Variants in CLVS1 observed in about 807,000 individuals in gnomAD.
The protein encoded by CLVS1 is clavesin-1.
A neutral mutation model predicts 33.1 loss-of-function variants in CLVS1; 10 were observed. The observed-to-expected ratio is 0.30, with a 90% CI of 0.19 to 0.51. CLVS1 has a LOEUF of 0.51. Ranked by LOEUF, CLVS1 falls within the 20% of genes least tolerant of loss-of-function variation. The pLI is 0.97. For synonymous variants in CLVS1, 163 were observed against 166.1 expected (o/e 0.98, Z 0.14); for missense variants, 343 against 433.4 (o/e 0.79, Z 1.85).
chr8:61,014,458 G>A, the CLVS1 span, among the ~76,000 whole-genome samples: 3 of 152,148 alleles, frequency 2.0e-5, no homozygotes, highest in Non-Finnish European at 2.9e-5. Context: ...TGCTCTTTGG[G>A]ACTTCTAGGA....
chr8:61,237,251 G>A (rs1372271673), intron 2 of CLVS1, among the ~76,000 whole-genome samples: 2 of 152,128 alleles, frequency 1.3e-5, no homozygotes, highest in African/African-American at 4.8e-5. Context: ...ATTTCAAGAA[G>A]GTTGTTGGTA....
chr8:61,216,966 T>G (rs1212814160), intron 2 of CLVS1, among the ~76,000 whole-genome samples: 34 of 152,194 alleles, frequency 2.2e-4, no homozygotes, highest in South Asian at 2.1e-4. Flanking sequence ...TTTTTAGTCT[T>G]TCTAAGTTCT....
chr8:61,452,416 C>T (rs553189630), intron 3 of CLVS1, among the ~76,000 whole-genome samples: 44 of 152,262 alleles, frequency 2.9e-4, no homozygotes, highest in African/African-American at 8.7e-4. Context: ...TCTTCTGTCA[C>T]CCCTCAGAAC....
chr8:61,199,351 T>C (rs1178491428), intron 2 of CLVS1, among the ~76,000 whole-genome samples: 1 of 152,102 alleles, frequency 6.6e-6, no homozygotes, highest in Non-Finnish European at 1.5e-5. Flanking sequence ...ATTTGCCAAC[T>C]ATATCTCCAA....
chr8:61,288,043 G>A lies in CLVS1; in HGVS notation c.-247G>A, dbSNP rs1809832021. ...CAGCTTTCTAGAGAAATCTGAGCCC[G>A]AACCTGCCAGAATAGGGGATCTCAC... On this transcript the variant is annotated 5_prime_UTR_variant, in exon 1 of 6. Transcript: ENST00000325897. 2 of 451,476 alleles carry A rather than the reference G, an allele frequency of 4.4e-6. No individual in the cohort carries two copies. Among genetic ancestry groups the A allele is most frequent in the South Asian group, 1.6e-5 (1 of 63,866 alleles). The allele number at this position is 451,476 out of a possible 1,614,324, so 28.0% of individuals were successfully genotyped here.
chr8:61,309,732 GT>G lies in CLVS1; in HGVS notation c.455+9451del, dbSNP rs1482620695. Among the ~76,000 whole-genome samples the G allele has an allele frequency of 4.6e-5, 7 of 152,340 alleles. No individual in the cohort carries two copies. The East Asian group carries it at 1.2e-3, about 25-fold the overall frequency. ...TACCAGTCACTGCTGACCTGTGGCA[GT>G]CTCTAAAGGGCTAACATTGCAAAAG... On this transcript the variant is annotated intron_variant, in intron 2 of 5. Transcript: ENST00000325897.
chr8:61,254,613 G>C (rs1809033052), intron 2 of CLVS1, among the ~76,000 whole-genome samples: 1 of 152,128 alleles, frequency 6.6e-6, no homozygotes, highest in African/African-American at 2.4e-5. Context: ...TCAAGCCTCA[G>C]CAATGGCGGG....
Position 61,150,759 on chromosome 8 carries a change from T to G in CLVS1, c.-152+18899T>G, listed in dbSNP as rs187995177. ...TCTTTTCTGTGGTTTCACTTGAAGCTGTGGCTCGAACTGGCCCAGTGTGAG... is the reference window on the plus strand; with the variant it reads ...TCTTTTCTGTGGTTTCACTTGAAGCGGTGGCTCGAACTGGCCCAGTGTGAG... On this transcript the variant is annotated intron_variant, in intron 2 of 2. Transcript: ENST00000522621. Among the ~76,000 whole-genome samples, 285 of 152,328 alleles carry G rather than the reference T, an allele frequency of 1.9e-3. 1 individual carries two copies. The highest frequency in any genetic ancestry group is 6.5e-3 in the African/African-American group (272 of 41,576).
Position 61,138,916 on chromosome 8 carries a change from C to T in CLVS1, c.-152+7056C>T, listed in dbSNP as rs114798366. Reference sequence around the variant, plus strand: ...CCCGATTGTAAATACAATATCTCTGCCTCACACACATCTTTGTTCCAAACC... The same window carrying T: ...CCCGATTGTAAATACAATATCTCTGTCTCACACACATCTTTGTTCCAAACC... On this transcript the variant is annotated intron_variant, in intron 2 of 2. Transcript: ENST00000522621. Among the ~76,000 whole-genome samples, 1,498 of 152,378 alleles carry T rather than the reference C, an allele frequency of 9.8e-3. 24 individuals are homozygous for T. Among genetic ancestry groups the T allele is most frequent in the African/African-American group, 0.033 (1,379 of 41,580 alleles).
chr8:61,270,377 G>T (rs1407238008), intron 2 of CLVS1, among the ~76,000 whole-genome samples: 7 of 152,308 alleles, frequency 4.6e-5, no homozygotes, highest in African/African-American at 1.4e-4. Flanking sequence ...CTGGATTATT[G>T]TGGATAAGCT....
intron 1 of CLVS1, among the ~76,000 whole-genome samples, chr8:61,113,744 G>C (rs1285682331): frequency 6.6e-6 from 1 of 152,156 alleles, no homozygotes; most frequent in African/African-American, 2.4e-5. Context: ...CCTACCCTGG[G>C]TCCTGGCTGG....
chr8:61,202,218 A>C, intron 2 of CLVS1: 1 of 461,434 alleles, frequency 2.2e-6, no homozygotes. Flanking sequence ...AAGTACATTG[A>C]TTTCTTTATC....
At chr8:61,143,994 A>G (rs1020682847) in intron 2 of CLVS1, among the ~76,000 whole-genome samples, 2 of 151,398 alleles carry the variant, frequency 1.3e-5, no homozygotes, top group Admixed American at 1.3e-4. Context: ...TAGATGAGTT[A>G]AATTGTTTTC....
chr8:61,011,517 C>A, the CLVS1 span, among the ~76,000 whole-genome samples: 3 of 151,984 alleles, frequency 2.0e-5, no homozygotes, highest in Non-Finnish European at 4.4e-5. Context: ...GGCATGGTGT[C>A]GGCTCACTGC....
intron 1 of CLVS1, among the ~76,000 whole-genome samples, chr8:61,072,140 C>T (rs6471912): frequency 0.3 from 46,231 of 152,082 alleles, 7,417 homozygotes; most frequent in East Asian, 0.58. Flanking sequence ...GTCTGCTGCA[C>T]GTCTCGGTTC....
intron 1 of CLVS1, among the ~76,000 whole-genome samples, chr8:61,130,217 G>A (rs1037184271): frequency 6.7e-6 from 1 of 150,294 alleles, no homozygotes; most frequent in Admixed American, 6.7e-5. Context: ...TAGCGTGGGA[G>A]ACAGAGTGAG....
At chr8:61,244,623 A>G (rs1263618495) in intron 2 of CLVS1, among the ~76,000 whole-genome samples, 1 of 152,174 alleles carries the variant, frequency 6.6e-6, no homozygotes, top group African/African-American at 2.4e-5. Flanking sequence ...GAACCCCAAT[A>G]TAAACTATGC....
Position 61,333,737 on chromosome 8 carries a change from C to T in CLVS1, c.455+33455C>T, listed in dbSNP as rs138441119. 9.3e-4 allele frequency among the ~76,000 whole-genome samples: 142 copies of T among 152,236 alleles called. 2 individuals are homozygous for T. In the East Asian group the frequency reaches 0.024, roughly 26 times the overall value. On this transcript the variant is annotated intron_variant, in intron 2 of 5. Coordinates refer to ENST00000325897, the MANE Select transcript of CLVS1 (RefSeq NM_173519.3). The stretch of plus-strand genomic sequence containing the variant: ...AACTTTTATTTTAAGTTCAGGGCTA[C>T]GTGTGTAGGTTTGTTTCCTAGGTAA...
At chr8:61,027,993 C>G in the CLVS1 span, among the ~76,000 whole-genome samples, 1 of 151,916 alleles carries the variant, frequency 6.6e-6, no homozygotes, top group Non-Finnish European at 1.5e-5. Flanking sequence ...GAAAAGATCC[C>G]GATGTTTTTC....
Sources: gnomAD v4.1 joint callset for allele counts (sites outside exome capture counted in the v4.1 genomes callset) on GRCh38, gnomAD v4.1.1 for gene constraint, MANE v1.5 for transcripts, NCBI Gene and HGNC (gene_info 2026-07-23, HGNC 2026-07-21) for gene names.